Variants in FGD3 observed in about 807,000 individuals in gnomAD.
FGD3 encodes FYVE, RhoGEF and PH domain containing 3.
Under a neutral mutation model 71.8 loss-of-function variants are expected in FGD3, and 45 were observed. The observed-to-expected ratio is 0.63, with a 90% CI of 0.49 to 0.80. The LOEUF (loss-of-function observed/expected upper bound fraction) is 0.80. Ranked by LOEUF, FGD3 falls within the 30% of genes least tolerant of loss-of-function variation. FGD3 has a pLI of 0.00. For missense variants in FGD3, 844 were observed against 951.5 expected (o/e 0.89, Z 1.49); for synonymous variants, 378 against 392.8 (o/e 0.96, Z 0.44).
At chr9:92,965,640 C>T (rs954412934) in intron 1 of FGD3, among the ~76,000 whole-genome samples, 2 of 152,234 alleles carry the variant, frequency 1.3e-5, no homozygotes, top group Admixed American at 6.5e-5. Flanking sequence ...AGGCCTGCAG[C>T]CGTGTTGTAC....
intron 1 of FGD3, among the ~76,000 whole-genome samples, chr9:92,967,869 G>A (rs908452180): frequency 2.0e-5 from 3 of 152,122 alleles, no homozygotes; most frequent in Non-Finnish European, 4.4e-5. Flanking sequence ...CACTGCGCCC[G>A]GCCTCCTTCT....
chr9:93,017,333 GT>G (rs921068117), intron 10 of FGD3, among the ~76,000 whole-genome samples: 1 of 152,022 alleles, frequency 6.6e-6, no homozygotes, highest in African/African-American at 2.4e-5. Context: ...TCTAGTTAGT[GT>G]TTTTTTTCTT....
intron 10 of FGD3, among the ~76,000 whole-genome samples, chr9:93,016,804 A>T (rs912364519): frequency 6.7e-6 from 1 of 149,472 alleles, no homozygotes; most frequent in African/African-American, 2.5e-5. Flanking sequence ...TTGTATTTTT[A>T]GTAGAGACGG....
chr9:93,035,139 A>G (rs1862544102), intron 17 of FGD3, among the ~76,000 whole-genome samples, 199 bp from the exon 18 acceptor site: 1 of 152,190 alleles, frequency 6.6e-6, no homozygotes, highest in African/African-American at 2.4e-5. Context: ...TCCCTCGGGA[A>G]GAACCAGTGG....
chr9:92,993,825 A>G (rs1860518681), intron 3 of FGD3, among the ~76,000 whole-genome samples: 1 of 152,188 alleles, frequency 6.6e-6, no homozygotes, highest in East Asian at 1.9e-4. Context: ...ATAGTATTCC[A>G]TGGTGTATAT....
chr9:92,964,752 C>A (rs1859249453), intron 1 of FGD3, among the ~76,000 whole-genome samples: 1 of 152,096 alleles, frequency 6.6e-6, no homozygotes, highest in Admixed American at 6.5e-5. Flanking sequence ...AGCCTTTTTC[C>A]ATCGGCTGGC....
At chr9:93,030,646 A>G (rs1357263130) in intron 15 of FGD3, among the ~76,000 whole-genome samples, 3 of 146,470 alleles carry the variant, frequency 2.0e-5, no homozygotes, top group Non-Finnish European at 4.5e-5. Flanking sequence ...GTTTTTCCAA[A>G]GGGCACCAGC....
intron 1 of FGD3, among the ~76,000 whole-genome samples, chr9:92,966,065 G>A (rs1181413739): frequency 1.3e-5 from 2 of 152,208 alleles, no homozygotes; most frequent in African/African-American, 4.8e-5. Context: ...GGGCTGAGCC[G>A]GTCGGGAAGG....
Position 93,035,652 on chromosome 9 carries a change from T to G in FGD3, c.*63T>G, listed in dbSNP as rs575736614. 3 of 1,514,504 alleles carry G rather than the reference T, an allele frequency of 2.0e-6. No homozygotes were observed. In the Admixed American group the frequency reaches 6.0e-5, roughly 30 times the overall value. 93.8% of individuals were successfully genotyped at this position (1,514,504 alleles called of 1,614,324 possible). A position where few individuals can be genotyped will look rare whatever the true frequency, so the allele number is the denominator to read the frequency against. ...ACCTGTGCTGTCCTGGGAGGTGGTG[T>G]TGGAGGCCCCATGAAGAGCGCCCTG... On this transcript the variant is annotated 3_prime_UTR_variant, in exon 18 of 18. Coordinates refer to ENST00000375482, the MANE Select transcript of FGD3 (RefSeq NM_001083536.2).
intron 9 of FGD3, 123 bp downstream of exon 9, chr9:93,014,121 G>A: frequency 4.7e-6 from 6 of 1,265,200 alleles, no homozygotes; most frequent in Non-Finnish European, 6.3e-6. Flanking sequence ...TCTCCTACTG[G>A]GACTGTGGCT....
chr9:92,959,642 G>A (rs1241567008), intron 1 of FGD3, among the ~76,000 whole-genome samples: 1 of 145,364 alleles, frequency 6.9e-6, no homozygotes, highest in Non-Finnish European at 1.5e-5. Flanking sequence ...AGGAGGTCGA[G>A]GCTACAGTGA....
chr9:92,981,561 G>A (rs1587828776), intron 3 of FGD3, among the ~76,000 whole-genome samples: 1 of 152,200 alleles, frequency 6.6e-6, no homozygotes, highest in African/African-American at 2.4e-5. Flanking sequence ...TCAACTGTCT[G>A]TAGAGTTGTT....
chr9:92,968,659 A>G (rs571098536), intron 1 of FGD3, among the ~76,000 whole-genome samples: 12 of 139,538 alleles, frequency 8.6e-5, no homozygotes, highest in African/African-American at 1.9e-4. Context: ...GCTGGAGTGC[A>G]GTGGTGTGAT....
At chr9:92,991,697 T>C (rs896342411) in intron 3 of FGD3, among the ~76,000 whole-genome samples, 5 of 152,186 alleles carry the variant, frequency 3.3e-5, no homozygotes, top group African/African-American at 9.7e-5. Context: ...TTAAATCTGA[T>C]GTGTCTTTGA....
rs923796590 is a variant in FGD3, at chr9:93,003,404, C to A, written c.543+390C>A. Among the ~76,000 whole-genome samples, 2 of 152,246 alleles carry A rather than the reference C, an allele frequency of 1.3e-5. No homozygotes were observed. The highest frequency in any genetic ancestry group is 4.1e-4 in the South Asian group (2 of 4,836). On this transcript the variant is annotated intron_variant, in intron 4 of 17. Transcript: ENST00000375482. This position sits in a 1 kb window ranked among gnomAD's most constrained non-coding sequence, Gnocchi z 4.1. ...TCGGCCTCCCAAAGTCCTGGGATTA[C>A]AGGCGTGAGCCACCACGCCCGTCCT... is the stretch of plus-strand genomic sequence containing the variant.
chr9:93,001,002 A>G (rs956507049), intron 3 of FGD3, among the ~76,000 whole-genome samples: 2 of 150,334 alleles, frequency 1.3e-5, no homozygotes, highest in African/African-American at 4.9e-5. Flanking sequence ...ATCTGACTCT[A>G]TGATTTCAAA....
rs187460007 is a variant in FGD3 at position 92,954,815 on chromosome 9, G to A, written c.-218+7086G>A. ...ACCTTGGGCTGTGTCCTAGAGACCA[G>A]CCACCTCAGCTGCATCTTGCTAGGC... On this transcript the variant is annotated intron_variant, in intron 1 of 17. Transcript: ENST00000375482. Among the ~76,000 whole-genome samples the A allele has an allele frequency of 7.9e-5, 12 of 152,332 alleles. No homozygotes were observed. The East Asian group carries it at 1.9e-3, about 24-fold the overall frequency.
At position 93,027,585 on chromosome 9, in the gene FGD3, T is replaced by C. The variant is rs532660366; in HGVS notation, c.1558-2289T>C. 1.7e-4 allele frequency among the ~76,000 whole-genome samples: 26 copies of C among 152,280 alleles called. 1 individual carries two copies. In the East Asian group the frequency reaches 5.0e-3, roughly 29 times the overall value. Reference sequence around the variant, plus strand: ...TCACATTCAGAGTTACTGGGAATTATATTTTCAACATACGAATTTGGGGGG... The same window carrying C: ...TCACATTCAGAGTTACTGGGAATTACATTTTCAACATACGAATTTGGGGGG... On this transcript the variant is annotated intron_variant, in intron 14 of 17. Transcript: ENST00000375482.
chr9:92,958,484 C>T (rs1352035211), intron 1 of FGD3, among the ~76,000 whole-genome samples: 1 of 152,166 alleles, frequency 6.6e-6, no homozygotes, highest in Non-Finnish European at 1.5e-5. Context: ...CACTTGGAGT[C>T]TATATGTGGC....
Sources: allele counts gnomAD v4.1 joint callset (sites outside exome capture counted in the v4.1 genomes callset), GRCh38; gene constraint gnomAD v4.1.1; non-coding constraint Gnocchi (gnomAD v3.1); transcripts MANE v1.5; gene names NCBI Gene and HGNC (gene_info 2026-07-23, HGNC 2026-07-21).